PBX3: variants seen among roughly 807,000 people sequenced by gnomAD.
The protein encoded by PBX3 is PBX homeobox 3.
PBX3 carries 14 observed loss-of-function variants against 48.5 expected under a neutral mutation model. That is an observed-to-expected ratio of 0.29 (90% CI 0.19 to 0.45). The LOEUF (loss-of-function observed/expected upper bound fraction) is 0.45, where lower values mean the gene tolerates loss of function less well. Among genes scored for constraint, PBX3 ranks in the 20% least tolerant of loss-of-function variants. PBX3 has a pLI of 1.00. For synonymous variants in PBX3, 210 were observed against 200.3 expected, an observed-to-expected ratio of 1.05 and a Z score of -0.41; for missense variants, 386 against 546.7, an observed-to-expected ratio of 0.71 and a Z score of 2.93.
chr9:125,780,558 A>G (rs1288100280), intron 2 of PBX3, among the ~76,000 whole-genome samples: 3 of 129,836 alleles, frequency 2.3e-5, no homozygotes, highest in African/African-American at 3.0e-5. Context: ...CTGGCGAGGC[A>G]GAGGGGCTCC....
At chr9:125,941,673 G>A (rs977577092) in intron 5 of PBX3, among the ~76,000 whole-genome samples, 12 of 152,094 alleles carry the variant, frequency 7.9e-5, no homozygotes, top group African/African-American at 2.7e-4. Flanking sequence ...TAAGCAAAAG[G>A]GAGTTCCTCT....
Position 125,800,313 on chromosome 9 carries a change from C to A in PBX3, c.274+51690C>A, listed in dbSNP as rs144375795. ...TCACAGATTCCTGTCTCAAATTGCTCATGGAATGAAATAGGGTATAAATAA... is the reference window on the plus strand; with the variant it reads ...TCACAGATTCCTGTCTCAAATTGCTAATGGAATGAAATAGGGTATAAATAA... On this transcript the variant is annotated intron_variant, in intron 2 of 8. Transcript: ENST00000373489. Among the ~76,000 whole-genome samples, 274 of 152,194 alleles carry A rather than the reference C, an allele frequency of 1.8e-3. 1 individual carries two copies. Among genetic ancestry groups the A allele is most frequent in the African/African-American group, 6.1e-3 (254 of 41,528 alleles).
At chr9:125,802,910 C>G (rs1225161015) in intron 2 of PBX3, among the ~76,000 whole-genome samples, 7 of 151,202 alleles carry the variant, frequency 4.6e-5, no homozygotes, top group Non-Finnish European at 8.8e-5. Flanking sequence ...AACTCCTGAC[C>G]TCAGGTGATC....
At chr9:125,879,760 G>A (rs1840338548) in intron 2 of PBX3, among the ~76,000 whole-genome samples, 1 of 152,172 alleles carries the variant, frequency 6.6e-6, no homozygotes, top group Admixed American at 6.5e-5. Context: ...CCACATAGAT[G>A]TGAACACTAG....
intron 5 of PBX3, among the ~76,000 whole-genome samples, chr9:125,946,494 G>T (rs937548664): frequency 3.3e-5 from 5 of 151,894 alleles, no homozygotes; most frequent in African/African-American, 1.2e-4. Flanking sequence ...CTATAATGGG[G>T]GAAAGACAAA....
At chr9:125,859,412 A>G (rs546594394) in intron 2 of PBX3, among the ~76,000 whole-genome samples, 11 of 152,298 alleles carry the variant, frequency 7.2e-5, no homozygotes, top group African/African-American at 9.6e-5. Context: ...AAGGCCTCCA[A>G]TGGGTGGGAC....
At chr9:125,814,210 T>C (rs1838390671) in intron 2 of PBX3, among the ~76,000 whole-genome samples, 1 of 146,748 alleles carries the variant, frequency 6.8e-6, no homozygotes, top group Non-Finnish European at 1.5e-5. Flanking sequence ...GCAGGTTGCA[T>C]GTTCCCTTCA....
At chr9:125,802,869 A>C (rs1283674098) in intron 2 of PBX3, among the ~76,000 whole-genome samples, 1 of 151,154 alleles carries the variant, frequency 6.6e-6, no homozygotes, top group African/African-American at 2.4e-5. Context: ...AGTAGAGACA[A>C]GGTTTCCCCA....
chr9:125,950,482 C>CT (rs10623974), intron 5 of PBX3, among the ~76,000 whole-genome samples: 1,782 of 143,240 alleles, frequency 0.012, 37 homozygotes, highest in African/African-American at 0.021. Context: ...TTTGCAACTT[C>CT]TTTTTTTTTT....
chr9:125,956,276 G>A (rs1332890669), intron 5 of PBX3, among the ~76,000 whole-genome samples: 1 of 152,136 alleles, frequency 6.6e-6, no homozygotes, highest in African/African-American at 2.4e-5. Context: ...TTTGAAACCG[G>A]ATTCTGAGTC....
chr9:125,771,628 T>C (rs1392472230), intron 2 of PBX3, among the ~76,000 whole-genome samples: 1 of 152,208 alleles, frequency 6.6e-6, no homozygotes, highest in Non-Finnish European at 1.5e-5. Context: ...TAAAATCATA[T>C]CTTTTTTCAG....
At chr9:125,890,268 GAA>G (rs1564158511) in intron 2 of PBX3, among the ~76,000 whole-genome samples, 1 of 152,120 alleles carries the variant, frequency 6.6e-6, no homozygotes, top group African/African-American at 2.4e-5. Context: ...TGGTGGTTGA[GAA>G]AAAAATAACT....
At chr9:125,882,057 TAAAATA>T (rs1201605893) in intron 2 of PBX3, among the ~76,000 whole-genome samples, 2 of 151,254 alleles carry the variant, frequency 1.3e-5, no homozygotes, top group Non-Finnish European at 2.9e-5. Context: ...AAATAAATAA[TAAAATA>T]AAAATAAAAA....
chr9:125,929,382 C>T (rs551697707), intron 3 of PBX3, among the ~76,000 whole-genome samples: 117 of 152,242 alleles, frequency 7.7e-4, no homozygotes, highest in Non-Finnish European at 1.3e-3. Flanking sequence ...GGAGCATCCT[C>T]GAATGGGAAA....
At chr9:125,876,019 A>G (rs1434999872) in intron 2 of PBX3, among the ~76,000 whole-genome samples, 1 of 152,158 alleles carries the variant, frequency 6.6e-6, no homozygotes, top group African/African-American at 2.4e-5. Context: ...TTCTTTCCTT[A>G]AGGACAATTC....
intron 2 of PBX3, among the ~76,000 whole-genome samples, chr9:125,790,000 A>G (rs912405048): frequency 7.9e-5 from 12 of 152,182 alleles, no homozygotes; most frequent in African/African-American, 2.4e-4. Context: ...GGTTGGGAGT[A>G]TTTGTATTTT....
intron 2 of PBX3, among the ~76,000 whole-genome samples, chr9:125,791,595 C>T (rs1024712577): frequency 1.3e-5 from 2 of 152,132 alleles, no homozygotes; most frequent in Non-Finnish European, 2.9e-5. Flanking sequence ...TCCTCCTGTT[C>T]TGGTCATGTA....
chr9:125,843,099 T>C (rs746490186), intron 2 of PBX3, among the ~76,000 whole-genome samples: 5 of 152,090 alleles, frequency 3.3e-5, no homozygotes, highest in African/African-American at 4.8e-5. Flanking sequence ...TTATTTTCCT[T>C]CTTCTCTGTG....
rs148557603 is a variant in PBX3, at chr9:125,787,475, C to T, written c.274+38852C>T. ...GAAAAGTATTGTCAGATTGAAGACT[C>T]AGCTGAGGTTGGAGACTGAAATTGA... On this transcript the variant is annotated intron_variant, in intron 2 of 8. Coordinates refer to ENST00000373489, the MANE Select transcript of PBX3 (RefSeq NM_006195.6). Among the ~76,000 whole-genome samples, 34 of 152,182 alleles carry T rather than the reference C, an allele frequency of 2.2e-4. 1 individual carries two copies. The highest frequency in any genetic ancestry group is 3.4e-3 in the Middle Eastern group (1 of 294).
Sources: allele counts gnomAD v4.1 joint callset (sites outside exome capture counted in the v4.1 genomes callset), GRCh38; gene constraint gnomAD v4.1.1; transcripts MANE v1.5; gene names NCBI Gene and HGNC (gene_info 2026-07-23, HGNC 2026-07-21).